CHST15: variants seen among roughly 807,000 people sequenced by gnomAD.
CHST15 encodes carbohydrate sulfotransferase 15.
In CHST15, 30 loss-of-function variants were observed where a neutral mutation model predicts 53.6. That is an observed-to-expected ratio of 0.56 (90% CI 0.42 to 0.76). The LOEUF is 0.76. Among genes scored for constraint, CHST15 ranks in the 30% least tolerant of loss-of-function variants. The probability of loss-of-function intolerance (pLI) is 0.00; values close to 1 mark genes in which losing one functional copy is unlikely to be tolerated. For synonymous variants in CHST15, 296 were observed against 289.8 expected, an observed-to-expected ratio of 1.02 and a Z score of -0.22; for missense variants, 627 against 740.5, an observed-to-expected ratio of 0.85 and a Z score of 1.78.
Position 124,024,465 on chromosome 10 carries a change from G to C in CHST15, c.1191-3053C>G, listed in dbSNP as rs923446957. Among the ~76,000 whole-genome samples, 3 of 152,042 alleles carry C rather than the reference G, an allele frequency of 2.0e-5. No homozygotes were observed. The highest frequency in any genetic ancestry group is 7.2e-5 in the African/African-American group (3 of 41,396). On this transcript the variant is annotated intron_variant, in intron 5 of 7. Transcript: ENST00000435907. The surrounding 1 kb of genome is among the most constrained non-coding windows in gnomAD (Gnocchi z 4.0). ...GTTCCTAGAATCAAAACACCCACCG[G>C]AACAGGAGTGTTCCATCTACCACAG... is the stretch of plus-strand genomic sequence containing the variant.
intron 1 of CHST15, among the ~76,000 whole-genome samples, chr10:124,056,645 A>G (rs7899498): frequency 0.26 from 39,852 of 152,194 alleles, 5,481 homozygotes; most frequent in Middle Eastern, 0.39. Flanking sequence ...GACAATGGAC[A>G]GGAATGGAAC....
chr10:124,085,133 G>C (rs1242455256), intron 1 of CHST15, among the ~76,000 whole-genome samples: 4 of 152,094 alleles, frequency 2.6e-5, no homozygotes, highest in African/African-American at 9.7e-5. Context: ...AGTCTGATTT[G>C]GGGTTTGGAA....
chr10:124,091,656 C>G (rs1949602764), intron 1 of CHST15, among the ~76,000 whole-genome samples: 1 of 152,280 alleles, frequency 6.6e-6, no homozygotes, highest in Admixed American at 6.5e-5. Flanking sequence ...CGGAGCCACA[C>G]TTCATTCCCG....
At chr10:124,082,568 TA>T (rs1419047332) in intron 1 of CHST15, among the ~76,000 whole-genome samples, 18 of 152,168 alleles carry the variant, frequency 1.2e-4, no homozygotes, top group African/African-American at 4.3e-4. Flanking sequence ...TCATAAAACA[TA>T]ACCCTAGAAA....
chr10:124,063,011 G>A (rs906718411), intron 1 of CHST15, among the ~76,000 whole-genome samples: 1 of 152,116 alleles, frequency 6.6e-6, no homozygotes, highest in Non-Finnish European at 1.5e-5. Context: ...CCACCCTGAT[G>A]TGGCCATGAA....
At chr10:124,044,152 A>G (rs1157810425) in intron 3 of CHST15, among the ~76,000 whole-genome samples, 21 of 138,726 alleles carry the variant, frequency 1.5e-4, no homozygotes, top group African/African-American at 4.1e-4. Context: ...ACAGAGCAGG[A>G]AACGGCACAG....
intron 5 of CHST15, among the ~76,000 whole-genome samples, chr10:124,026,862 G>A (rs1263187531): frequency 6.6e-6 from 1 of 152,170 alleles, no homozygotes; most frequent in Non-Finnish European, 1.5e-5. Context: ...AAGCCTGGTT[G>A]CAGGCAAGGG....
At chr10:124,050,448 C>T (rs1026511736) in intron 1 of CHST15, among the ~76,000 whole-genome samples, 2 of 152,176 alleles carry the variant, frequency 1.3e-5, no homozygotes, top group Non-Finnish European at 2.9e-5. Flanking sequence ...TTCTTTGTGC[C>T]GTCCTAGGGC....
chr10:124,086,808 C>T (rs1297308361), intron 1 of CHST15, among the ~76,000 whole-genome samples: 1 of 152,160 alleles, frequency 6.6e-6, no homozygotes, highest in African/African-American at 2.4e-5. Flanking sequence ...AGATCATTAA[C>T]CCCATTTTAC....
Position 124,010,042 on chromosome 10 carries a change from C to G in CHST15, c.*107G>C, listed in dbSNP as rs1474598643. The G allele has an allele frequency of 6.3e-7, 1 of 1,588,378 alleles. No homozygotes were observed. Among genetic ancestry groups the G allele is most frequent in the Non-Finnish European group, 8.6e-7 (1 of 1,168,854 alleles). On this transcript the variant is annotated 3_prime_UTR_variant, in exon 8 of 8. Coordinates refer to ENST00000435907, the MANE Select transcript of CHST15 (RefSeq NM_001270764.2). ...CATGTGTGCCTAGAGTGGCAGAGTC[C>G]TGGGGTTTTCCATACCATGAGTGAA...
At position 124,046,260 on chromosome 10, in the gene CHST15, C is replaced by T. The variant is rs1336282506; in HGVS notation, c.-48G>A. The T allele has an allele frequency of 1.3e-6, 2 of 1,522,934 alleles. No individual in the cohort carries two copies. Among genetic ancestry groups the T allele is most frequent in the East Asian group, 2.3e-5 (1 of 44,090 alleles). 94.3% of individuals were successfully genotyped at this position (1,522,934 alleles called of 1,614,324 possible). ...GCTGGCTTACCGAGCCATGGGTGGGCCCCCCACGAGTCTGGATGTCCGCAA... is the reference window on the plus strand; with the variant it reads ...GCTGGCTTACCGAGCCATGGGTGGGTCCCCCACGAGTCTGGATGTCCGCAA... On this transcript the variant is annotated 5_prime_UTR_variant, in exon 2 of 8. Transcript: ENST00000435907.
At chr10:124,066,069 C>T (rs1269515019) in intron 1 of CHST15, among the ~76,000 whole-genome samples, 1 of 152,076 alleles carries the variant, frequency 6.6e-6, no homozygotes. Context: ...TTGGTCCCCT[C>T]AGTCACTTTT....
chr10:124,035,044 C>A (rs575468442), intron 5 of CHST15, among the ~76,000 whole-genome samples: 122 of 143,288 alleles, frequency 8.5e-4, no homozygotes, highest in African/African-American at 3.2e-3. Context: ...CCTGGCTCTA[C>A]CCCTGATAGG....
intron 4 of CHST15, among the ~76,000 whole-genome samples, chr10:124,040,978 A>AC (rs749944357): frequency 3.3e-5 from 5 of 152,174 alleles, no homozygotes; most frequent in Non-Finnish European, 7.3e-5. Flanking sequence ...AGAACATGTG[A>AC]TTTTCCCAGA....
At chr10:124,034,511 G>T (rs541993144) in intron 5 of CHST15, among the ~76,000 whole-genome samples, 9 of 151,646 alleles carry the variant, frequency 5.9e-5, no homozygotes, top group Non-Finnish European at 1.3e-4. Context: ...AACATACTCA[G>T]GGACCCTGGC....
In CHST15 at chr10:124,046,115, G is replaced by A. The variant is rs34639461; in HGVS notation, c.98C>T (p.Ala33Val). Residue 33 changes from alanine to valine, a missense_variant, in exon 2 of 8, where the codon GCG becomes GTG. This residue lies in a region of CHST15 where 187 missense variants were observed against 251.8 expected (regional missense o/e 0.74). Transcript: ENST00000435907. ...GTTTTCTCCTTTGCACGTGGGGCAC[G>A]CCTGGTGACCGTGATGGGGGCCCCC... ...CQGGPHHGHQACPTCKGENKI... is the reference protein window; with the variant it reads ...CQGGPHHGHQVCPTCKGENKI... 0.03 allele frequency: 48,169 copies of A among 1,614,190 alleles called. 869 individuals carry two copies. Among genetic ancestry groups the A allele is most frequent in the Non-Finnish European group, 0.035 (40,932 of 1,180,026 alleles).
At chr10:124,028,680 G>A (rs1185379794) in intron 5 of CHST15, among the ~76,000 whole-genome samples, 1 of 152,218 alleles carries the variant, frequency 6.6e-6, no homozygotes, top group Admixed American at 6.5e-5. Context: ...AAACGCACAA[G>A]CTTCAATCTC....
chr10:124,026,248 G>GAGACGGGGGAGCACTC (rs1341587419), intron 5 of CHST15, among the ~76,000 whole-genome samples: 1 of 152,276 alleles, frequency 6.6e-6, no homozygotes, highest in Non-Finnish European at 1.5e-5. Flanking sequence ...GGGGAGCACT[G>GAGACGGGGGAGCACTC]AGACGGGGGA....
chr10:124,034,011 G>A (rs1258246722), intron 5 of CHST15, among the ~76,000 whole-genome samples: 1 of 152,208 alleles, frequency 6.6e-6, no homozygotes, highest in Non-Finnish European at 1.5e-5. Context: ...CTGCTGCCCT[G>A]GCATCCTGCC....
Sources: gnomAD v4.1 joint callset for allele counts (sites outside exome capture counted in the v4.1 genomes callset) on GRCh38, gnomAD v4.1.1 for gene constraint, gnomAD v4.1.1 regional missense constraint, Gnocchi (gnomAD v3.1) non-coding constraint, MANE v1.5 for transcripts, NCBI Gene and HGNC (gene_info 2026-07-23, HGNC 2026-07-21) for gene names.